Variants in NWD2 observed in about 807,000 individuals in gnomAD.
NWD2 encodes NACHT and WD repeat domain-containing protein 2.
A neutral mutation model predicts 132.7 loss-of-function variants in NWD2; 37 were observed. The ratio of observed to expected loss-of-function variants is 0.28; its 90% CI spans 0.21 to 0.37. The LOEUF (loss-of-function observed/expected upper bound fraction) is 0.37, where lower values mean the gene tolerates loss of function less well. Ranked by LOEUF, NWD2 falls within the 10% of genes least tolerant of loss-of-function variation. The pLI is 1.00. For missense variants in NWD2, 1,592 were observed against 2,122.4 expected (o/e 0.75, Z 4.91); for synonymous variants, 705 against 803.0 (o/e 0.88, Z 2.06).
In NWD2 at chr4:37,394,811, T is replaced by TGTTTGTTTGTTTG. The variant is rs1553897375; in HGVS notation, c.358-35761_358-35760insGTTTGTTTGTTTG. Among the ~76,000 whole-genome samples the TGTTTGTTTGTTTG allele has an allele frequency of 2.1e-4, 25 of 120,818 alleles. 2 individuals are homozygous for TGTTTGTTTGTTTG. Among genetic ancestry groups the TGTTTGTTTGTTTG allele is most frequent in the Admixed American group, 5.9e-4 (7 of 11,802 alleles). The allele number at this position is 120,818 out of a possible 152,430, so 79.3% of individuals were successfully genotyped here. ...GTGAACCTTTATGGTTTTTTTTTTT[T>TGTTTGTTTGTTTG]TTTTTTTTTTTTTTTTTGAGGCAGA... On this transcript the variant is annotated intron_variant, in intron 3 of 6. Coordinates refer to ENST00000309447, the MANE Select transcript of NWD2 (RefSeq NM_001144990.2).
chr4:37,344,741 C>G (rs765587643), intron 2 of NWD2, among the ~76,000 whole-genome samples: 1 of 152,074 alleles, frequency 6.6e-6, no homozygotes, highest in Non-Finnish European at 1.5e-5. Context: ...AAAATTCACC[C>G]ACTTGAAGTG....
At chr4:37,354,723 A>C (rs1719836181) in intron 2 of NWD2, among the ~76,000 whole-genome samples, 1 of 152,214 alleles carries the variant, frequency 6.6e-6, no homozygotes, top group African/African-American at 2.4e-5. Flanking sequence ...ATCCTTCCCA[A>C]GGGTGGTGAG....
intron 3 of NWD2, among the ~76,000 whole-genome samples, chr4:37,363,233 G>A (rs1720018380): frequency 6.6e-6 from 1 of 152,128 alleles, no homozygotes; most frequent in Non-Finnish European, 1.5e-5. Context: ...CAGCCACTGT[G>A]TCAAAAGCAG....
chr4:37,310,971 T>A (rs1348387235), intron 1 of NWD2, among the ~76,000 whole-genome samples: 1 of 152,030 alleles, frequency 6.6e-6, no homozygotes, highest in Non-Finnish European at 1.5e-5. Flanking sequence ...ACTCATCATT[T>A]TTTATGGCTG....
intron 1 of NWD2, among the ~76,000 whole-genome samples, chr4:37,262,612 G>T (rs974235726): frequency 2.6e-5 from 4 of 152,140 alleles, no homozygotes; most frequent in African/African-American, 9.7e-5. Flanking sequence ...TGTTCTGGGA[G>T]GATAGTGAAA....
intron 6 of NWD2, among the ~76,000 whole-genome samples, chr4:37,442,314 T>C (rs1712507645): frequency 6.6e-6 from 1 of 152,252 alleles, no homozygotes; most frequent in South Asian, 2.1e-4. Context: ...GAGTATTTTA[T>C]GCCTTGGGCA....
chr4:37,384,402 T>A (rs1720518295), intron 3 of NWD2, among the ~76,000 whole-genome samples: 1 of 152,230 alleles, frequency 6.6e-6, no homozygotes, highest in Non-Finnish European at 1.5e-5. Flanking sequence ...TATTGAGTTG[T>A]TCTCTACCTC....
Position 37,256,936 on chromosome 4 carries a change from A to G in NWD2, c.151+11718A>G, listed in dbSNP as rs1017774802. ...GCTCTCTTATTAAGAGGTGGGATCT[A>G]TGACTTCTCCCCTTGAATCTGGGCT... On this transcript the variant is annotated intron_variant, in intron 1 of 6. Coordinates refer to ENST00000309447, the MANE Select transcript of NWD2 (RefSeq NM_001144990.2). 5.9e-5 allele frequency among the ~76,000 whole-genome samples: 9 copies of G among 152,314 alleles called. No individual in the cohort carries two copies. The East Asian group carries it at 1.4e-3, about 23-fold the overall frequency.
intron 1 of NWD2, among the ~76,000 whole-genome samples, chr4:37,320,697 C>T (rs758751070): frequency 2.6e-5 from 4 of 152,174 alleles, no homozygotes; most frequent in Admixed American, 6.5e-5. Context: ...CCCCAGAAGT[C>T]GAACAGGCTG....
intron 3 of NWD2, among the ~76,000 whole-genome samples, chr4:37,378,225 T>G (rs1368734584): frequency 6.6e-6 from 1 of 152,186 alleles, no homozygotes; most frequent in East Asian, 1.9e-4. Context: ...TCACAAAATA[T>G]TAACTGGCTT....
chr4:37,404,675 A>G (rs1465840402), intron 3 of NWD2, among the ~76,000 whole-genome samples: 1 of 152,202 alleles, frequency 6.6e-6, no homozygotes, highest in Non-Finnish European at 1.5e-5. Flanking sequence ...ATAATTTATG[A>G]AGAAAAGAGG....
chr4:37,399,306 T>C (rs537082138), intron 3 of NWD2, among the ~76,000 whole-genome samples: 2 of 152,340 alleles, frequency 1.3e-5, no homozygotes, highest in South Asian at 2.1e-4. Context: ...TCTCTGGCCA[T>C]CTTCTGGCTC....
At chr4:37,257,567 G>A (rs1007259901) in intron 1 of NWD2, among the ~76,000 whole-genome samples, 8 of 152,156 alleles carry the variant, frequency 5.3e-5, no homozygotes, top group East Asian at 1.9e-4. Flanking sequence ...AAAATTATAG[G>A]TCAGAATTTG....
At chr4:37,322,227 C>G (rs1719083183) in intron 1 of NWD2, among the ~76,000 whole-genome samples, 1 of 152,100 alleles carries the variant, frequency 6.6e-6, no homozygotes, top group Admixed American at 6.6e-5. Flanking sequence ...TCCCTTTGAG[C>G]TTAAATTTTA....
At chr4:37,270,969 G>A (rs1717860141) in intron 1 of NWD2, among the ~76,000 whole-genome samples, 1 of 151,690 alleles carries the variant, frequency 6.6e-6, no homozygotes, top group South Asian at 2.1e-4. Context: ...CATTTATCTG[G>A]TTGTCCTTGT....
chr4:37,387,167 A>G (rs1720581208), intron 3 of NWD2, among the ~76,000 whole-genome samples: 1 of 152,212 alleles, frequency 6.6e-6, no homozygotes, highest in Non-Finnish European at 1.5e-5. Flanking sequence ...AATTAAGATG[A>G]GCCACATATA....
At chr4:37,380,850 A>G (rs962483234) in intron 3 of NWD2, among the ~76,000 whole-genome samples, 1 of 152,304 alleles carries the variant, frequency 6.6e-6, no homozygotes, top group Middle Eastern at 3.4e-3. Flanking sequence ...CTGACAAACT[A>G]TTTAAGATAA....
At chr4:37,329,529 G>T (rs1237149837) in intron 2 of NWD2, among the ~76,000 whole-genome samples, 1 of 152,026 alleles carries the variant, frequency 6.6e-6, no homozygotes, top group African/African-American at 2.4e-5. Flanking sequence ...AAGGAAAAGG[G>T]TCTGAGGTAG....
intron 3 of NWD2, among the ~76,000 whole-genome samples, chr4:37,361,152 C>T (rs1205276287): frequency 6.6e-6 from 1 of 152,050 alleles, no homozygotes; most frequent in Non-Finnish European, 1.5e-5. Flanking sequence ...CCTAAGCAAC[C>T]AGTATTGAGG....
Sources: allele counts gnomAD v4.1 joint callset (sites outside exome capture counted in the v4.1 genomes callset), GRCh38; gene constraint gnomAD v4.1.1; transcripts MANE v1.5; gene names NCBI Gene and HGNC (gene_info 2026-07-23, HGNC 2026-07-21).